The following GALNT3 variants were observed in gnomAD, a reference collection of about 807,000 sequenced individuals.
GALNT3 encodes the protein polypeptide N-acetylgalactosaminyltransferase 3.
GALNT3 carries 51 observed loss-of-function variants against 69.8 expected under a neutral mutation model. The ratio of observed to expected loss-of-function variants is 0.73; its 90% confidence interval spans 0.58 to 0.92. The LOEUF is 0.92. Ranked by LOEUF, GALNT3 falls within the 40% of genes least tolerant of loss-of-function variation. The pLI is 0.00. For missense variants in GALNT3, 711 were observed against 760.0 expected, an observed-to-expected ratio of 0.94 and a Z score of 0.76; for synonymous variants, 265 against 248.5, an observed-to-expected ratio of 1.07 and a Z score of -0.63.
Position 165,748,658 on chromosome 2 carries a change from AAATGC to A in GALNT3, c.*118_*122del. 2 of 901,002 alleles carry A rather than the reference AAATGC, an allele frequency of 2.2e-6. No homozygotes were observed. Among genetic ancestry groups the A allele is most frequent in the Non-Finnish European group, 3.4e-6 (2 of 587,928 alleles). 55.8% of individuals were successfully genotyped at this position (901,002 alleles called of 1,614,324 possible). A position where few individuals can be genotyped will look rare whatever the true frequency, so the allele number is the denominator to read the frequency against. On this transcript the variant is annotated 3_prime_UTR_variant, in exon 11 of 11. Transcript: ENST00000392701. ...TGCTACATAAAGATATAAATAAGAA[AAATGC>A]ACTTGGAATAAGTTACATTTAGCTG... is the stretch of plus-strand genomic sequence containing the variant.
At chr2:165,778,428 T>C (rs961686488) in intron 1 of GALNT3, among the ~76,000 whole-genome samples, 1 of 152,156 alleles carries the variant, frequency 6.6e-6, no homozygotes, top group Non-Finnish European at 1.5e-5. Flanking sequence ...ACATGCTAAT[T>C]TGAACAGAGA....
intron 1 of GALNT3, among the ~76,000 whole-genome samples, 176 bp from the exon 2 acceptor site, chr2:165,770,984 C>A (rs1317344488): frequency 1.3e-5 from 2 of 152,052 alleles, no homozygotes; most frequent in African/African-American, 4.8e-5. Context: ...ATAATTGTTA[C>A]AATTTACTAC....
chr2:165,756,995 T>C, intron 7 of GALNT3, 52 bp downstream of exon 7: 2 of 1,398,276 alleles, frequency 1.4e-6, no homozygotes, highest in Non-Finnish European at 2.0e-6. Flanking sequence ...CAAAAGGACG[T>C]GTGAACTTGT....
At chr2:165,772,649 A>G (rs1263917818) in intron 1 of GALNT3, among the ~76,000 whole-genome samples, 1 of 151,820 alleles carries the variant, frequency 6.6e-6, no homozygotes, top group South Asian at 2.1e-4. Flanking sequence ...TGTTAAGGAA[A>G]GTTTCCTAGA....
At chr2:165,765,753 GC>G (rs1446807841) in intron 2 of GALNT3, among the ~76,000 whole-genome samples, 12 of 152,094 alleles carry the variant, frequency 7.9e-5, no homozygotes, top group Non-Finnish European at 1.6e-4. Context: ...CTCCCAAAGT[GC>G]TGGGATTACA....
At chr2:165,750,508 A>C (rs148873887) in intron 9 of GALNT3, among the ~76,000 whole-genome samples, 1 of 152,268 alleles carries the variant, frequency 6.6e-6, no homozygotes, top group East Asian at 1.9e-4. Context: ...TATTCCTCTC[A>C]GATGTTAACA....
rs1254293886 is a variant in GALNT3 at position 165,747,690 on chromosome 2, G to A, written c.*1091C>T. The stretch of plus-strand genomic sequence containing the variant: ...ATTTTTTGTGCCATAAGAAATATCT[G>A]ATGGTTTTACAAACAATAGGCGCTT... On this transcript the variant is annotated 3_prime_UTR_variant, in exon 11 of 11. Transcript: ENST00000392701. 1 of 154,146 alleles carries A rather than the reference G, an allele frequency of 6.5e-6. No individual in the cohort carries two copies. Among genetic ancestry groups the A allele is most frequent in the African/African-American group, 2.4e-5 (1 of 41,442 alleles). 9.5% of individuals were successfully genotyped at this position (154,146 alleles called of 1,614,324 possible).
At chr2:165,751,217 GTTAAGTCCTTA>G (rs748639018) in intron 9 of GALNT3, among the ~76,000 whole-genome samples, 1 of 152,110 alleles carries the variant, frequency 6.6e-6, no homozygotes, top group Admixed American at 6.5e-5. Context: ...ACTAATATTT[GTTAAGTCCTTA>G]TTACATGTTA....
chr2:165,781,712 G>A (rs2105226370), intron 1 of GALNT3, among the ~76,000 whole-genome samples: 1 of 151,994 alleles, frequency 6.6e-6, no homozygotes. Flanking sequence ...TGCTCTACAA[G>A]GATATCTAAA....
Position 165,749,843 on chromosome 2 carries a change from A to G in GALNT3, c.1678T>C (p.Leu560=). Residue 560 remains leucine (L), a synonymous_variant, in exon 10 of 11, where the codon TTA becomes CTA. Transcript: ENST00000392701. The part of the protein sequence containing the change: ...HEIRHNIQKE[L]CLHAAQGLVQ... ...AGACCTTGAGCAGCATGAAGACATAATTCCTTCTGGATGTTGTGCCGAATT... is the reference window on the plus strand; with the variant it reads ...AGACCTTGAGCAGCATGAAGACATAGTTCCTTCTGGATGTTGTGCCGAATT... 7 of 1,613,714 alleles carry G rather than the reference A, an allele frequency of 4.3e-6. No homozygotes were observed. The highest frequency in any genetic ancestry group is 5.9e-6 in the Non-Finnish European group (7 of 1,179,664).
chr2:165,786,444 C>A (rs1355735757), intron 1 of GALNT3, among the ~76,000 whole-genome samples: 1 of 152,182 alleles, frequency 6.6e-6, no homozygotes, highest in Non-Finnish European at 1.5e-5. Flanking sequence ...CCTGTGGACA[C>A]CAGCATCTGC....
chr2:165,761,778 C>G, intron 4 of GALNT3, 127 bp downstream of exon 4: 2 of 1,007,972 alleles, frequency 2.0e-6, no homozygotes, highest in Non-Finnish European at 3.2e-6. Context: ...TTGCTATAAT[C>G]GCCAGTTGAA....
intron 1 of GALNT3, among the ~76,000 whole-genome samples, chr2:165,783,182 G>T (rs989095815): frequency 6.6e-6 from 1 of 152,122 alleles, no homozygotes; most frequent in African/African-American, 2.4e-5. Context: ...AGGAGAGCAG[G>T]CACAGATTTT....
At chr2:165,761,818 T>C (rs1240526855) in intron 4 of GALNT3, 87 bp downstream of exon 4, 1 of 1,434,862 alleles carries the variant, frequency 7.0e-7, no homozygotes, top group East Asian at 2.3e-5. Context: ...CAATTAGGCA[T>C]TTAGAAAAGA....
intron 1 of GALNT3, among the ~76,000 whole-genome samples, chr2:165,780,646 T>TTTTTTGTTGTTG (rs1553495825): frequency 9.8e-6 from 1 of 101,712 alleles, no homozygotes; most frequent in Non-Finnish European, 2.1e-5. Flanking sequence ...GAGGGGTTTT[T>TTTTTTGTTGTTG]TTGTTGTTGT....
chr2:165,773,737 G>A (rs1688795743), intron 1 of GALNT3, among the ~76,000 whole-genome samples: 1 of 150,302 alleles, frequency 6.7e-6, no homozygotes, highest in South Asian at 2.1e-4. Flanking sequence ...ACATTTAAGA[G>A]TAGAAAAAAA....
At chr2:165,758,894 T>A (rs1323428296) in intron 5 of GALNT3, 30 bp from the exon 6 acceptor site, 1 of 1,327,912 alleles carries the variant, frequency 7.5e-7, no homozygotes, top group Non-Finnish European at 1.1e-6. Context: ...CAAATTTTGT[T>A]ATAAAAACTA....
intron 6 of GALNT3, 138 bp downstream of exon 6, chr2:165,758,609 C>A: frequency 1.6e-6 from 1 of 621,398 alleles, no homozygotes; most frequent in East Asian, 2.8e-5. Context: ...TATTCTTATT[C>A]CAAAATTTCC....
Position 165,748,787 on chromosome 2 carries a change from A to G in GALNT3, c.1896T>C (p.Asn632=). The G allele has an allele frequency of 6.2e-7, 1 of 1,610,148 alleles. No individual in the cohort carries two copies. The highest frequency in any genetic ancestry group is 8.5e-7 in the Non-Finnish European group (1 of 1,177,668). The change falls in exon 11 of 11, where the codon AAT becomes AAC. Residue 632 remains asparagine (N), a synonymous_variant. Transcript: ENST00000392701. Reference sequence around the variant, plus strand: ...ACTTAATTTTAAGGAACACTTAATCATTTTGGCTAAGTATCCATTTTTGGA... The same window carrying G: ...ACTTAATTTTAAGGAACACTTAATCGTTTTGGCTAAGTATCCATTTTTGGA... ...DPLQKWILSQ[N]D
Sources: allele counts gnomAD v4.1 joint callset (sites outside exome capture counted in the v4.1 genomes callset), GRCh38; gene constraint gnomAD v4.1.1; transcripts MANE v1.5; gene names NCBI Gene and HGNC (gene_info 2026-07-23, HGNC 2026-07-21).